The following WASHC2C variants were observed in gnomAD, a reference collection of about 807,000 sequenced individuals.
WASHC2C encodes the protein WASH complex subunit 2C, also known as Vaccinia Penetration Factor.
Under a neutral mutation model 142.2 loss-of-function variants are expected in WASHC2C, and 73 were observed. That is an observed-to-expected ratio of 0.51 (90% CI 0.43 to 0.62). The LOEUF is 0.62. Ranked by LOEUF, WASHC2C falls within the 20% of genes least tolerant of loss-of-function variation. The pLI is 0.00. For missense variants in WASHC2C, 969 were observed against 1,531.7 expected, an observed-to-expected ratio of 0.63 and a Z score of 6.13; for synonymous variants, 337 against 565.5, an observed-to-expected ratio of 0.60 and a Z score of 5.73.
intron 19 of WASHC2C, 75 bp downstream of exon 19, chr10:45,765,885 T>G: frequency 6.3e-7 from 1 of 1,589,292 alleles, no homozygotes; most frequent in Non-Finnish European, 8.5e-7. Context: ...CCAAGTCTTT[T>G]TCTACCTGTT....
intron 3 of WASHC2C, among the ~76,000 whole-genome samples, chr10:45,737,725 C>T (rs1383261096): frequency 1.3e-5 from 2 of 150,198 alleles, no homozygotes. Context: ...TGGTTTACAA[C>T]GAGGTTAAAG....
chr10:45,790,468 C>T lies in WASHC2C; in HGVS notation c.3821C>T (p.Thr1274Ile). 2.5e-6 allele frequency: 4 copies of T among 1,611,044 alleles called. No individual in the cohort carries two copies. The highest frequency in any genetic ancestry group is 3.4e-6 in the Non-Finnish European group (4 of 1,179,364). ...AACATTGATATCTTTGCTGACTTAA[C>T]TGTAAAACCAAAAGAAAAGTCCAAA... Reference protein sequence around the residue: ...DDNIDIFADLTVKPKEKSKKK... With the variant: ...DDNIDIFADLIVKPKEKSKKK... The change falls in exon 30 of 31, where the codon ACT becomes ATT. Residue 1274 changes from threonine to isoleucine, a missense_variant. Thr to Ile is a moderately conservative substitution (Grantham distance 89). Transcript: ENST00000623400.
intron 19 of WASHC2C, among the ~76,000 whole-genome samples, chr10:45,766,908 T>C (rs1554882629): frequency 2.6e-5 from 4 of 152,160 alleles, no homozygotes; most frequent in Non-Finnish European, 5.9e-5. Flanking sequence ...AAGTCATAGA[T>C]ATGTTCATGT....
Position 45,789,133 on chromosome 10 carries a change from C to A in WASHC2C, c.3350C>A (p.Ala1117Glu). ...PVPGVDTSPF[A>E]KSLGHSRGEA... Reference sequence around the variant, plus strand: ...CCTGGAGTGGACACAAGCCCCTTTGCAAAGTCTCTGGGTCATTCCAGAGGG... The same window carrying A: ...CCTGGAGTGGACACAAGCCCCTTTGAAAAGTCTCTGGGTCATTCCAGAGGG... Residue 1117 changes from alanine to glutamate, a missense_variant, in exon 29 of 31, where the codon GCA becomes GAA. By Grantham distance (107) the Ala-to-Glu change is moderately radical. Transcript: ENST00000623400. The A allele has an allele frequency of 6.2e-7, 1 of 1,612,066 alleles. No individual in the cohort carries two copies. The highest frequency in any genetic ancestry group is 1.1e-5 in the South Asian group (1 of 90,994).
intron 11 of WASHC2C, among the ~76,000 whole-genome samples, chr10:45,751,998 A>T (rs1746064610): frequency 6.6e-6 from 1 of 152,184 alleles, no homozygotes. Flanking sequence ...GAAGCCTTGG[A>T]AGGCATGTTT....
chr10:45,788,791 G>A, intron 28 of WASHC2C, 80 bp from the exon 29 acceptor site: 1 of 1,609,318 alleles, frequency 6.2e-7, no homozygotes, highest in Non-Finnish European at 8.5e-7. Context: ...ACAATATTTT[G>A]AGTCACTGAT....
rs1161021792 is a variant in WASHC2C at position 45,779,443 on chromosome 10, G to A, written c.2478+308G>A. On this transcript the variant is annotated intron_variant, in intron 23 of 30. Coordinates refer to ENST00000623400, the MANE Select transcript of WASHC2C (RefSeq NM_001330074.2). ...GTAAACAGCAGGAAAGGGAAGTTAG[G>A]CTGGAGCTGTACAGTTAAGTATTTC... is the stretch of plus-strand genomic sequence containing the variant. 1.3e-4 allele frequency among the ~76,000 whole-genome samples: 20 copies of A among 152,158 alleles called. 1 individual carries two copies. The highest frequency in any genetic ancestry group is 3.3e-4 in the Admixed American group (5 of 15,268).
intron 8 of WASHC2C, 40 bp downstream of exon 8, chr10:45,746,687 T>G: frequency 6.2e-7 from 1 of 1,607,036 alleles, no homozygotes; most frequent in Non-Finnish European, 8.5e-7. Context: ...TTTTACATTT[T>G]AATTGAAGCA....
At chr10:45,736,086 G>A (rs1428990831) in intron 3 of WASHC2C, among the ~76,000 whole-genome samples, 33 of 146,372 alleles carry the variant, frequency 2.3e-4, no homozygotes, top group African/African-American at 4.1e-4. Context: ...TCTGGCCAAC[G>A]TGGTGAAACC....
chr10:45,729,973 G>A (rs1468816044), intron 3 of WASHC2C, among the ~76,000 whole-genome samples: 1 of 151,588 alleles, frequency 6.6e-6, no homozygotes, highest in African/African-American at 2.4e-5. Flanking sequence ...ATAAAATAAA[G>A]ACATTAATAA....
At chr10:45,780,881 G>A (rs575820761) in intron 23 of WASHC2C, among the ~76,000 whole-genome samples, 1 of 151,748 alleles carries the variant, frequency 6.6e-6, no homozygotes, top group East Asian at 1.9e-4. Flanking sequence ...AGCCTCCTGA[G>A]TAGCTGGGAT....
Position 45,756,832 on chromosome 10 carries a change from A to G in WASHC2C, c.1421-180A>G, listed in dbSNP as rs2054365201. Among the ~76,000 whole-genome samples, 7 of 152,190 alleles carry G rather than the reference A, an allele frequency of 4.6e-5. No individual in the cohort carries two copies. In the South Asian group the frequency reaches 1.4e-3, roughly 31 times the overall value. ...TCTGTCTTTCAACTGAACTGCTACT[A>G]TGCACTTTGAAAAATTCCAAGGGAA... On this transcript the variant is annotated intron_variant, in intron 15 of 30. Transcript: ENST00000623400.
intron 3 of WASHC2C, among the ~76,000 whole-genome samples, chr10:45,736,889 T>G (rs558212940): frequency 6.6e-6 from 1 of 152,256 alleles, no homozygotes; most frequent in East Asian, 1.9e-4. Context: ...CTCAAAGTTT[T>G]ATAATCACGG....
In WASHC2C at chr10:45,788,906, G is replaced by A. The variant is rs1554891355; in HGVS notation, c.3123G>A (p.Gln1041=). 3.1e-6 allele frequency: 5 copies of A among 1,611,912 alleles called. No homozygotes were observed. In the Admixed American group the frequency reaches 8.3e-5, roughly 27 times the overall value. Residue 1041 remains glutamine (Q), a synonymous_variant, in exon 29 of 31, where the codon CAG becomes CAA. Transcript: ENST00000623400. ...AGATGAGAGGGAAGCGTAGACCGCA[G>A]ACCCGTGCAGCTAGGCGGCTGGCTG... ...RVKMRGKRRP[Q]TRAARRLAAQ... is the part of the protein sequence containing the mutation.
Position 45,752,604 on chromosome 10 carries a change from A to G in WASHC2C, c.1020A>G (p.Leu340=), listed in dbSNP as rs548173374. 6.2e-7 allele frequency: 1 copy of G among 1,609,384 alleles called. No individual in the cohort carries two copies. The highest frequency in any genetic ancestry group is 8.5e-7 in the Non-Finnish European group (1 of 1,178,316). Residue 340 remains leucine (L), a synonymous_variant, in exon 12 of 31, where the codon TTA becomes TTG. Coordinates refer to ENST00000623400, the MANE Select transcript of WASHC2C (RefSeq NM_001330074.2). ...GTTTGCTAGATGAAGAGGATAACTTATTCGCACCCCCCAAGCTGACCGACG... is the reference window on the plus strand; with the variant it reads ...GTTTGCTAGATGAAGAGGATAACTTGTTCGCACCCCCCAAGCTGACCGACG... ...RTPSDDEEDN[L]FAPPKLTDED...
chr10:45,757,236 C>T (rs2054422640), intron 16 of WASHC2C, 97 bp downstream of exon 16: 1 of 1,571,760 alleles, frequency 6.4e-7, no homozygotes, highest in Non-Finnish European at 8.6e-7. Flanking sequence ...CTTTCACGTT[C>T]ATATTGAAGA....
intron 10 of WASHC2C, among the ~76,000 whole-genome samples, chr10:45,751,055 T>TA (rs1459650667): frequency 1.1e-4 from 16 of 152,186 alleles, no homozygotes; most frequent in Non-Finnish European, 2.1e-4. Flanking sequence ...AACGTACATG[T>TA]ACACATGTAG....
intron 8 of WASHC2C, among the ~76,000 whole-genome samples, chr10:45,747,620 T>A (rs2053005741): frequency 6.6e-6 from 1 of 151,560 alleles, no homozygotes; most frequent in Non-Finnish European, 1.5e-5. Context: ...AGACAGAGTC[T>A]CGCTCTGTTG....
At position 45,784,293 on chromosome 10, in the gene WASHC2C, C is replaced by CACATATATATAT. The variant is rs1305333868; in HGVS notation, c.2479-271_2479-270insCATATATATATA. On this transcript the variant is annotated intron_variant, in intron 23 of 30. Transcript: ENST00000623400. ...ATATATATATATATATATATATACA[C>CACATATATATAT]ATATATATATATATATATACACACA... 3.5e-4 allele frequency among the ~76,000 whole-genome samples: 22 copies of CACATATATATAT among 63,656 alleles called. 1 individual carries two copies. The highest frequency in any genetic ancestry group is 6.1e-4 in the South Asian group (1 of 1,636). The allele number at this position is 63,656 out of a possible 152,430, so 41.8% of individuals were successfully genotyped here. A position where few individuals can be genotyped will look rare whatever the true frequency, so the allele number is the denominator to read the frequency against.
Sources: allele counts gnomAD v4.1 joint callset (sites outside exome capture counted in the v4.1 genomes callset), GRCh38; gene constraint gnomAD v4.1.1; transcripts MANE v1.5; gene names NCBI Gene and HGNC (gene_info 2026-07-23, HGNC 2026-07-21).